The following PPP4R4 variants were observed in gnomAD, a reference collection of about 807,000 sequenced individuals.
PPP4R4 encodes the protein serine/threonine-protein phosphatase 4 regulatory subunit 4.
A neutral mutation model predicts 121.8 loss-of-function variants in PPP4R4; 70 were observed. The ratio of observed to expected loss-of-function variants is 0.57; its 90% CI spans 0.47 to 0.70. The LOEUF (loss-of-function observed/expected upper bound fraction) is 0.70. Ranked by LOEUF, PPP4R4 falls within the 30% of genes least tolerant of loss-of-function variation. The pLI is 0.00. For synonymous variants in PPP4R4, 348 were observed against 355.7 expected (o/e 0.98, Z 0.24); for missense variants, 875 against 1,033.6 (o/e 0.85, Z 2.10).
chr14:94,256,431 A>C, intron 16 of PPP4R4, 29 bp from the exon 17 acceptor site: 1 of 1,520,404 alleles, frequency 6.6e-7, no homozygotes, highest in Non-Finnish European at 8.9e-7. Flanking sequence ...TATTAACTTC[A>C]CTCAAGAGTA....
intron 3 of PPP4R4, among the ~76,000 whole-genome samples, chr14:94,209,316 G>T (rs964743564): frequency 1.9e-4 from 29 of 152,044 alleles, no homozygotes; most frequent in African/African-American, 7.0e-4. Context: ...TGCTAATAGA[G>T]GTTGGTAGAT....
At chr14:94,191,362 G>A (rs918910972) in intron 2 of PPP4R4, among the ~76,000 whole-genome samples, 3 of 129,226 alleles carry the variant, frequency 2.3e-5, no homozygotes, top group African/African-American at 5.8e-5. Flanking sequence ...TTATTTTTTC[G>A]TTTAAGTTGA....
rs181337658 is a variant in PPP4R4 at position 94,214,857 on chromosome 14, G to A, written c.294+6291G>A. On this transcript the variant is annotated intron_variant, in intron 3 of 24. Transcript: ENST00000304338. Reference sequence around the variant, plus strand: ...GAAAATTCCCCATCTGACCTCATGCGATGAGGTGCAGTTAAAGTCAAAATG... The same window carrying A: ...GAAAATTCCCCATCTGACCTCATGCAATGAGGTGCAGTTAAAGTCAAAATG... Among the ~76,000 whole-genome samples, 223 of 152,220 alleles carry A rather than the reference G, an allele frequency of 1.5e-3. 1 individual carries two copies. Among genetic ancestry groups the A allele is most frequent in the African/African-American group, 5.1e-3 (210 of 41,538 alleles).
intron 3 of PPP4R4, among the ~76,000 whole-genome samples, chr14:94,225,816 G>C (rs1200241245): frequency 1.3e-5 from 2 of 152,134 alleles, no homozygotes; most frequent in Non-Finnish European, 2.9e-5. Context: ...TTTTGAGAGA[G>C]ATTAGGATAG....
chr14:94,193,011 G>T (rs1296084080), intron 2 of PPP4R4, among the ~76,000 whole-genome samples: 1 of 152,172 alleles, frequency 6.6e-6, no homozygotes, highest in Non-Finnish European at 1.5e-5. Context: ...AACTAGCACA[G>T]GTAGCCTCAT....
At chr14:94,214,726 GTT>G (rs760074556) in intron 3 of PPP4R4, among the ~76,000 whole-genome samples, 5 of 152,068 alleles carry the variant, frequency 3.3e-5, no homozygotes, top group Non-Finnish European at 7.4e-5. Context: ...AAGTAGCATA[GTT>G]AAGTGAACAA....
intron 16 of PPP4R4, among the ~76,000 whole-genome samples, chr14:94,253,035 T>C (rs911691919): frequency 5.9e-5 from 9 of 152,208 alleles, no homozygotes; most frequent in African/African-American, 1.4e-4. Flanking sequence ...AATCTAGAAG[T>C]TTTTCTTTTG....
Position 94,245,679 on chromosome 14 carries a change from C to T in PPP4R4, c.1428+9C>T. 6.5e-7 allele frequency: 1 copy of T among 1,550,338 alleles called. No individual in the cohort carries two copies. The highest frequency in any genetic ancestry group is 8.9e-7 in the Non-Finnish European group (1 of 1,127,370). On this transcript the variant is annotated intron_variant, in intron 13 of 24. Coordinates refer to ENST00000304338, the MANE Select transcript of PPP4R4 (RefSeq NM_058237.2). ...GTGTTCAAGAAAATAAGGTAAACTT[C>T]ATCTTTCAGAAACATTCTGAGTTGT...
chr14:94,256,251 TC>T (rs1893466076), intron 16 of PPP4R4, among the ~76,000 whole-genome samples: 1 of 152,212 alleles, frequency 6.6e-6, no homozygotes, highest in African/African-American at 2.4e-5. Flanking sequence ...GAATGTAAGT[TC>T]CAGGAGAGCA....
At chr14:94,239,138 T>G (rs111263864) in intron 8 of PPP4R4, among the ~76,000 whole-genome samples, 2,896 of 151,948 alleles carry the variant, frequency 0.019, 89 homozygotes, top group African/African-American at 0.066. Context: ...CTCTCATACT[T>G]TTTCTTTCTC....
intron 23 of PPP4R4, among the ~76,000 whole-genome samples, chr14:94,270,628 G>A (rs371833680): frequency 2.6e-5 from 4 of 152,088 alleles, no homozygotes; most frequent in African/African-American, 9.7e-5. Flanking sequence ...TTCCTGGAAA[G>A]ACACAATTCA....
At chr14:94,252,478 CA>C (rs558342983) in intron 16 of PPP4R4, among the ~76,000 whole-genome samples, 99 of 152,064 alleles carry the variant, frequency 6.5e-4, no homozygotes, top group Non-Finnish European at 9.3e-4. Flanking sequence ...TTTTTCTCTC[CA>C]AAAGAGCACA....
At chr14:94,277,385 G>C (rs1264066124) in intron 24 of PPP4R4, among the ~76,000 whole-genome samples, 1 of 152,174 alleles carries the variant, frequency 6.6e-6, no homozygotes, top group East Asian at 1.9e-4. Context: ...CAGCAGCTAA[G>C]TGGTTGTGCA....
chr14:94,244,817 G>T, intron 12 of PPP4R4, 105 bp downstream of exon 12: 1 of 1,141,962 alleles, frequency 8.8e-7, no homozygotes, highest in South Asian at 1.9e-5. Context: ...TCTTTCAGCT[G>T]ACTAGCCCCA....
intron 6 of PPP4R4, 86 bp downstream of exon 6, chr14:94,233,845 T>C: frequency 1.2e-6 from 1 of 867,526 alleles, no homozygotes; most frequent in Non-Finnish European, 1.8e-6. Flanking sequence ...TTTGTGTTAT[T>C]TCATACTGCA....
chr14:94,244,701 G>GAATC lies in PPP4R4; in HGVS notation c.1335_1338dup (p.Leu447IlefsTer31). On this transcript the variant is annotated frameshift_variant, in exon 12 of 25. Coordinates refer to ENST00000304338, the MANE Select transcript of PPP4R4 (RefSeq NM_058237.2). LOFTEE classifies it high-confidence loss of function. ...AGAACTAATAACATTATTACAAGATGAATCACTGGAGGTAATATTTTCTTA... is the reference window on the plus strand; with the variant it reads ...AGAACTAATAACATTATTACAAGATGAATCAATCACTGGAGGTAATATTTTCTTA... 1 of 1,494,314 alleles carries GAATC rather than the reference G, an allele frequency of 6.7e-7. No homozygotes were observed. The allele number at this position is 1,494,314 out of a possible 1,614,324, so 92.6% of individuals were successfully genotyped here. A position where few individuals can be genotyped will look rare whatever the true frequency, so the allele number is the denominator to read the frequency against.
rs1484865294 is a variant in PPP4R4 at position 94,279,194 on chromosome 14, A to T, written c.*551A>T. 2.0e-5 allele frequency: 3 copies of T among 152,636 alleles called. No homozygotes were observed. Among genetic ancestry groups the T allele is most frequent in the African/African-American group, 4.8e-5 (2 of 41,452 alleles). The allele number at this position is 152,636 out of a possible 1,614,324, so 9.5% of individuals were successfully genotyped here. A position where few individuals can be genotyped will look rare whatever the true frequency, so the allele number is the denominator to read the frequency against. ...GGCGGCCCTCCGGATTGTGGTGACA[A>T]TATGTTGTACCCGGACATTCCCAAA... On this transcript the variant is annotated 3_prime_UTR_variant, in exon 25 of 25. Transcript: ENST00000304338.
At chr14:94,213,380 T>A (rs1890844980) in intron 3 of PPP4R4, among the ~76,000 whole-genome samples, 1 of 152,196 alleles carries the variant, frequency 6.6e-6, no homozygotes, top group Non-Finnish European at 1.5e-5. Context: ...GAGAAATCTT[T>A]TAAAAAGCAT....
chr14:94,242,822 T>A (rs1480189285), intron 11 of PPP4R4, among the ~76,000 whole-genome samples: 1 of 152,166 alleles, frequency 6.6e-6, no homozygotes, highest in Non-Finnish European at 1.5e-5. Context: ...TGGATGGTGT[T>A]TCGTGAGCAT....
Sources: allele counts gnomAD v4.1 joint callset (sites outside exome capture counted in the v4.1 genomes callset), GRCh38; gene constraint gnomAD v4.1.1; transcripts MANE v1.5; gene names NCBI Gene and HGNC (gene_info 2026-07-23, HGNC 2026-07-21).